The following PARD3B variants were observed in gnomAD, a reference collection of about 807,000 sequenced individuals.
PARD3B encodes the protein partitioning defective 3 homolog B.
A neutral mutation model predicts 130.2 loss-of-function variants in PARD3B; 103 were observed. The observed-to-expected ratio is 0.79, with a 90% CI of 0.67 to 0.93. PARD3B has a LOEUF of 0.93. Ranked by LOEUF, PARD3B falls within the 40% of genes least tolerant of loss-of-function variation. PARD3B has a pLI of 0.00. For synonymous variants in PARD3B, 583 were observed against 553.2 expected, an observed-to-expected ratio of 1.05 and a Z score of -0.76; for missense variants, 1,609 against 1,499.2, an observed-to-expected ratio of 1.07 and a Z score of -1.21.
rs376724445 is a variant in PARD3B at position 205,186,510 on chromosome 2, AC to A, written c.2024+648del. ...TGTCCCTTTGCTATTTTCTATATTT[AC>A]TATGGCTGTTAGAAACTGTGTATTT... is the stretch of plus-strand genomic sequence containing the variant. On this transcript the variant is annotated intron_variant, in intron 14 of 22. Coordinates refer to ENST00000406610, the MANE Select transcript of PARD3B (RefSeq NM_001302769.2). Among the ~76,000 whole-genome samples, 45 of 152,320 alleles carry A rather than the reference AC, an allele frequency of 3.0e-4. 2 individuals are homozygous for A. The highest frequency in any genetic ancestry group is 8.2e-4 in the African/African-American group (34 of 41,578).
intron 2 of PARD3B, among the ~76,000 whole-genome samples, chr2:204,728,615 T>A (rs1243647005): frequency 6.6e-6 from 1 of 152,184 alleles, no homozygotes; most frequent in Non-Finnish European, 1.5e-5. Context: ...TCACTTGATT[T>A]TTTTCCTTTT....
Position 205,324,707 on chromosome 2 carries a change from G to A in PARD3B, c.2630+23006G>A, listed in dbSNP as rs527984038. On this transcript the variant is annotated intron_variant, in intron 18 of 22. Coordinates refer to ENST00000406610, the MANE Select transcript of PARD3B (RefSeq NM_001302769.2). ...CTCCTAGCTATTCATCTTATTAAAA[G>A]TTGTCATTCCCTATACCTCTATACC... is the stretch of plus-strand genomic sequence containing the variant. 8.6e-5 allele frequency among the ~76,000 whole-genome samples: 13 copies of A among 151,986 alleles called. No individual in the cohort carries two copies. In the South Asian group the frequency reaches 2.7e-3, roughly 32 times the overall value.
At chr2:204,904,030 T>C (rs1284784488) in intron 2 of PARD3B, among the ~76,000 whole-genome samples, 2 of 152,236 alleles carry the variant, frequency 1.3e-5, no homozygotes, top group African/African-American at 4.8e-5. Flanking sequence ...CATAAGAGTT[T>C]TGAAATCTTC....
chr2:205,463,207 A>G lies in PARD3B; in HGVS notation c.3044+22535A>G, dbSNP rs1476971270. ...GCCTAGAACTAAGGAATATCTTGGC[A>G]ATGACATTGCTTAGTCTTCCTTACA... On this transcript the variant is annotated intron_variant, in intron 20 of 22. Coordinates refer to ENST00000406610, the MANE Select transcript of PARD3B (RefSeq NM_001302769.2). The surrounding 1 kb of genome is among the most constrained non-coding windows in gnomAD (Gnocchi z 4.8). Among the ~76,000 whole-genome samples, 1 of 152,212 alleles carries G rather than the reference A, an allele frequency of 6.6e-6. No homozygotes were observed. Among genetic ancestry groups the G allele is most frequent in the African/African-American group, 2.4e-5 (1 of 41,444 alleles).
rs1436657171 is a variant in PARD3B, at chr2:205,568,852, G to C, written c.3260+15449G>C. Among the ~76,000 whole-genome samples the C allele has an allele frequency of 6.6e-6, 1 of 152,144 alleles. No homozygotes were observed. Among genetic ancestry groups the C allele is most frequent in the Non-Finnish European group, 1.5e-5 (1 of 68,036 alleles). ...TGTAAAACTGGATCAGTCACATCCA[G>C]TTCAATTAAGATGCTTAGGCTCACC... On this transcript the variant is annotated intron_variant, in intron 22 of 22. Transcript: ENST00000406610. This position sits in a 1 kb window ranked among gnomAD's most constrained non-coding sequence, Gnocchi z 5.3.
intron 10 of PARD3B, among the ~76,000 whole-genome samples, chr2:205,143,784 T>C (rs1363423957): frequency 6.6e-6 from 1 of 152,144 alleles, no homozygotes; most frequent in Non-Finnish European, 1.5e-5. Context: ...AGGCTATGTA[T>C]TTCCCTACTT....
At position 204,642,094 on chromosome 2, in the gene PARD3B, G is replaced by T. The variant is rs546260880; in HGVS notation, c.121-44087G>T. The stretch of plus-strand genomic sequence containing the variant: ...CATAAACCTGAGGGAGGAGTAGTTT[G>T]TATGTGTGGGATTGGGGTCAGCCCA... On this transcript the variant is annotated intron_variant, in intron 1 of 22. Coordinates refer to ENST00000406610, the MANE Select transcript of PARD3B (RefSeq NM_001302769.2). Among the ~76,000 whole-genome samples the T allele has an allele frequency of 1.2e-4, 19 of 152,252 alleles. No homozygotes were observed. In the Middle Eastern group the frequency reaches 0.01, roughly 82 times the overall value.
chr2:204,654,540 C>T (rs1160435181), intron 1 of PARD3B, among the ~76,000 whole-genome samples: 1 of 152,126 alleles, frequency 6.6e-6, no homozygotes, highest in Non-Finnish European at 1.5e-5. Context: ...AGTCTTTCTA[C>T]AGATAGGAAG....
Position 205,021,091 on chromosome 2 carries a change from C to T in PARD3B, c.395-26490C>T, listed in dbSNP as rs1366678189. Among the ~76,000 whole-genome samples, 1 of 152,078 alleles carries T rather than the reference C, an allele frequency of 6.6e-6. No homozygotes were observed. The highest frequency in any genetic ancestry group is 6.6e-5 in the Admixed American group (1 of 15,248). ...TGGGAGATGGTGGGCAGAGAAAGCA[C>T]CAGTTCCTATGTACTACCTCCAAAC... On this transcript the variant is annotated intron_variant, in intron 3 of 22. Coordinates refer to ENST00000406610, the MANE Select transcript of PARD3B (RefSeq NM_001302769.2). The surrounding 1 kb of genome is among the most constrained non-coding windows in gnomAD (Gnocchi z 4.5).
chr2:204,840,376 G>T (rs1216120622), intron 2 of PARD3B, among the ~76,000 whole-genome samples: 1 of 152,098 alleles, frequency 6.6e-6, no homozygotes, highest in Non-Finnish European at 1.5e-5. Flanking sequence ...TTAATAGAAA[G>T]TGGGGAATAT....
chr2:205,104,614 A>C, intron 5 of PARD3B, 100 bp downstream of exon 5: 4 of 841,288 alleles, frequency 4.8e-6, no homozygotes, highest in Non-Finnish European at 7.5e-6. Context: ...GATCAGGATA[A>C]GTAGAATCAT....
chr2:204,883,757 T>TATGGGAATAAATACAA (rs2046167623), intron 2 of PARD3B, among the ~76,000 whole-genome samples: 1 of 150,502 alleles, frequency 6.6e-6, no homozygotes, highest in Non-Finnish European at 1.5e-5. Flanking sequence ...ATATATTTTT[T>TATGGGAATAAATACAA]GAGACGGAGT....
At chr2:205,073,244 T>C (rs1480866030) in intron 4 of PARD3B, among the ~76,000 whole-genome samples, 2 of 152,170 alleles carry the variant, frequency 1.3e-5, no homozygotes, top group South Asian at 4.1e-4. Flanking sequence ...TCCCCTCTTG[T>C]GTAAACAGCA....
In PARD3B at chr2:205,125,751, C is replaced by A; in HGVS notation, c.1434+14C>A. 1 of 1,613,058 alleles carries A rather than the reference C, an allele frequency of 6.2e-7. No homozygotes were observed. The highest frequency in any genetic ancestry group is 1.7e-5 in the Admixed American group (1 of 59,800). ...CCCCGAGAGTTGGTAATGTTCAGATCTCAGTCTCACTGAATTTTTAATGCC... is the reference window on the plus strand; with the variant it reads ...CCCCGAGAGTTGGTAATGTTCAGATATCAGTCTCACTGAATTTTTAATGCC... On this transcript the variant is annotated intron_variant, in intron 10 of 22. Transcript: ENST00000406610. The surrounding 1 kb of genome is among the most constrained non-coding windows in gnomAD (Gnocchi z 4.0).
intron 18 of PARD3B, among the ~76,000 whole-genome samples, chr2:205,398,621 T>C (rs1170769038): frequency 1.3e-5 from 2 of 152,084 alleles, no homozygotes; most frequent in African/African-American, 4.8e-5. Flanking sequence ...TTGAGAAACA[T>C]GCAGAATACT....
At chr2:204,998,326 A>G (rs1462169136) in intron 3 of PARD3B, among the ~76,000 whole-genome samples, 9 of 35,940 alleles carry the variant, frequency 2.5e-4, no homozygotes, top group African/African-American at 9.6e-4. Flanking sequence ...ATATATATAT[A>G]TATATATATA....
chr2:204,608,127 A>AT (rs775828467), intron 1 of PARD3B, among the ~76,000 whole-genome samples: 1 of 152,184 alleles, frequency 6.6e-6, no homozygotes, highest in Non-Finnish European at 1.5e-5. Context: ...GAGTGGATGT[A>AT]TTGGTGGCTT....
intron 1 of PARD3B, among the ~76,000 whole-genome samples, chr2:204,584,847 G>T (rs1477769629): frequency 6.6e-6 from 1 of 152,184 alleles, no homozygotes; most frequent in Non-Finnish European, 1.5e-5. Flanking sequence ...CAAACAAAGG[G>T]AATTTAAGAC....
intron 2 of PARD3B, among the ~76,000 whole-genome samples, chr2:204,883,373 CTTT>C (rs908695228): frequency 2.5e-5 from 3 of 119,634 alleles, no homozygotes; most frequent in Admixed American, 8.5e-5. Flanking sequence ...ACTATATTTT[CTTT>C]TTTTATTTTA....
Sources: gnomAD v4.1 joint callset for allele counts (sites outside exome capture counted in the v4.1 genomes callset) on GRCh38, gnomAD v4.1.1 for gene constraint, Gnocchi (gnomAD v3.1) non-coding constraint, MANE v1.5 for transcripts, NCBI Gene and HGNC (gene_info 2026-07-23, HGNC 2026-07-21) for gene names.